The following ZNF423 variants were observed in gnomAD, a reference collection of about 807,000 sequenced individuals.
ZNF423 encodes zinc finger protein 423, also known as Ebf-associated zinc finger protein.
A neutral mutation model predicts 95.8 loss-of-function variants in ZNF423; 12 were observed. That is an observed-to-expected ratio of 0.13 (90% CI 0.08 to 0.20). ZNF423 has a LOEUF of 0.20. ZNF423 is among the 10% of genes least tolerant of loss of function. The pLI is 1.00. For missense variants in ZNF423, 1,316 were observed against 1,737.1 expected (o/e 0.76, Z 4.31); for synonymous variants, 749 against 711.9 (o/e 1.05, Z -0.83).
intron 5 of ZNF423, among the ~76,000 whole-genome samples, chr16:49,599,082 C>T (rs535248468): frequency 2.7e-4 from 41 of 152,326 alleles, no homozygotes; most frequent in Admixed American, 1.2e-3. Flanking sequence ...CCTAACTGTA[C>T]ACATGTGTGT....
intron 2 of ZNF423, among the ~76,000 whole-genome samples, chr16:49,757,956 G>T (rs528521875): frequency 1.4e-3 from 220 of 152,258 alleles, no homozygotes; most frequent in Non-Finnish European, 2.7e-3. Context: ...CCTGGTTCAG[G>T]ACTGCGGTAC....
chr16:49,618,521 C>T (rs907661195), intron 5 of ZNF423, among the ~76,000 whole-genome samples: 1 of 152,102 alleles, frequency 6.6e-6, no homozygotes, highest in Non-Finnish European at 1.5e-5. Context: ...GTGCTCTTCC[C>T]CCTTTGCTTT....
chr16:49,615,028 G>A (rs976211058), intron 5 of ZNF423, among the ~76,000 whole-genome samples: 2 of 152,162 alleles, frequency 1.3e-5, no homozygotes, highest in Non-Finnish European at 2.9e-5. Flanking sequence ...TTACTCAGGA[G>A]GCTGAGGCAG....
chr16:49,511,984 T>C (rs1227306203), intron 7 of ZNF423, among the ~76,000 whole-genome samples: 2 of 152,236 alleles, frequency 1.3e-5, no homozygotes, highest in Non-Finnish European at 2.9e-5. Flanking sequence ...ACTTATGTTG[T>C]ATTTAGTATG....
chr16:49,675,217 T>A (rs541302946), intron 3 of ZNF423, among the ~76,000 whole-genome samples: 2 of 152,282 alleles, frequency 1.3e-5, no homozygotes, highest in Admixed American at 6.5e-5. Context: ...GTTGACTCAC[T>A]CATGTACAGA....
intron 2 of ZNF423, among the ~76,000 whole-genome samples, chr16:49,766,551 CT>C (rs1463893088): frequency 1.3e-5 from 2 of 152,344 alleles, no homozygotes; most frequent in Admixed American, 1.3e-4. Context: ...CTCTGGGGGA[CT>C]CCCAGTCCTT....
intron 7 of ZNF423, among the ~76,000 whole-genome samples, chr16:49,496,876 G>A (rs1967183374): frequency 1.3e-5 from 2 of 152,186 alleles, no homozygotes; most frequent in Admixed American, 6.5e-5. Context: ...GACCAGGCAC[G>A]ATTGGGGCTT....
At chr16:49,521,006 G>T (rs996231173) in intron 7 of ZNF423, among the ~76,000 whole-genome samples, 166 of 152,302 alleles carry the variant, frequency 1.1e-3, no homozygotes, top group African/African-American at 3.9e-3. Context: ...AGCTTAACGG[G>T]ATGACCCAGG....
chr16:49,530,531 C>T (rs561681108), intron 5 of ZNF423, among the ~76,000 whole-genome samples: 1 of 148,368 alleles, frequency 6.7e-6, no homozygotes, highest in Non-Finnish European at 1.5e-5. Flanking sequence ...GTGCCTAGAA[C>T]AGGATCTGGC....
At chr16:49,701,515 C>T (rs62031931) in intron 3 of ZNF423, among the ~76,000 whole-genome samples, 2 of 152,004 alleles carry the variant, frequency 1.3e-5, no homozygotes, top group South Asian at 2.1e-4. Flanking sequence ...TATCTCAAAC[C>T]GACCCCAAAC....
intron 1 of ZNF423, among the ~76,000 whole-genome samples, chr16:49,827,755 C>T (rs1391707930): frequency 6.6e-6 from 1 of 152,150 alleles, no homozygotes; most frequent in African/African-American, 2.4e-5. Context: ...AGGCTTCAAA[C>T]AATCCTACTG....
At chr16:49,626,525 G>A (rs368311154) in intron 4 of ZNF423, among the ~76,000 whole-genome samples, 5 of 152,126 alleles carry the variant, frequency 3.3e-5, no homozygotes, top group African/African-American at 1.2e-4. Flanking sequence ...GCTGAGGGGA[G>A]GCCTCCTTGC....
intron 3 of ZNF423, among the ~76,000 whole-genome samples, chr16:49,708,912 C>G (rs929842069): frequency 1.3e-5 from 2 of 152,046 alleles, no homozygotes; most frequent in Admixed American, 6.6e-5. Context: ...ACTAATAACC[C>G]CATGAATGAA....
At chr16:49,684,346 C>A (rs1269654503) in intron 3 of ZNF423, among the ~76,000 whole-genome samples, 1 of 152,202 alleles carries the variant, frequency 6.6e-6, no homozygotes, top group Non-Finnish European at 1.5e-5. Flanking sequence ...AAGACTATAG[C>A]CACATGGCCA....
chr16:49,591,249 C>T (rs1425918390), intron 5 of ZNF423, among the ~76,000 whole-genome samples: 1 of 151,886 alleles, frequency 6.6e-6, no homozygotes, highest in Admixed American at 6.5e-5. Flanking sequence ...ATAGTATGGG[C>T]ATTATGACTC....
At chr16:49,754,307 A>G (rs2033685926) in intron 2 of ZNF423, among the ~76,000 whole-genome samples, 1 of 152,196 alleles carries the variant, frequency 6.6e-6, no homozygotes, top group Admixed American at 6.5e-5. Context: ...GGAAACCTCC[A>G]TCCAGGGTCA....
chr16:49,752,929 C>G (rs1033382402), intron 2 of ZNF423, among the ~76,000 whole-genome samples: 9 of 152,182 alleles, frequency 5.9e-5, no homozygotes, highest in African/African-American at 2.2e-4. Context: ...ACAAAATCCA[C>G]TAGGCAGCAA....
intron 3 of ZNF423, among the ~76,000 whole-genome samples, chr16:49,699,017 T>A (rs2032076727): frequency 6.6e-6 from 1 of 152,250 alleles, no homozygotes; most frequent in African/African-American, 2.4e-5. Context: ...TCACTGTGAC[T>A]AACCAAAATC....
intron 7 of ZNF423, among the ~76,000 whole-genome samples, chr16:49,495,007 C>A (rs1967104511): frequency 6.6e-6 from 1 of 152,170 alleles, no homozygotes; most frequent in Admixed American, 6.5e-5. Context: ...AAAGATGCTA[C>A]CCACCCCACA....
Sources: allele counts gnomAD v4.1 joint callset (sites outside exome capture counted in the v4.1 genomes callset), GRCh38; gene constraint gnomAD v4.1.1; transcripts MANE v1.5; gene names NCBI Gene and HGNC (gene_info 2026-07-23, HGNC 2026-07-21).